The following DDX27 variants were observed in gnomAD, a reference collection of about 807,000 sequenced individuals.
The protein encoded by DDX27 is DEAD-box helicase 27.
A neutral mutation model predicts 99.3 loss-of-function variants in DDX27; 42 were observed. The ratio of observed to expected loss-of-function variants is 0.42; its 90% CI spans 0.33 to 0.55. The LOEUF is 0.55. Among genes scored for constraint, DDX27 ranks in the 20% least tolerant of loss-of-function variants. DDX27 has a pLI of 0.07. For missense variants in DDX27, 798 were observed against 976.8 expected (o/e 0.82, Z 2.44); for synonymous variants, 329 against 353.8 (o/e 0.93, Z 0.79).
intron 18 of DDX27, 39 bp downstream of exon 18, chr20:49,242,245 T>C: frequency 6.2e-7 from 1 of 1,609,428 alleles, no homozygotes. Flanking sequence ...TGTACAAGGT[T>C]TTCCCTGAAA....
chr20:49,224,583 G>A (rs960076338), intron 4 of DDX27, among the ~76,000 whole-genome samples: 61 of 152,066 alleles, frequency 4.0e-4, no homozygotes, highest in African/African-American at 1.4e-3. Context: ...GGCTGGTCCC[G>A]AACTCCTGAC....
Position 49,233,703 on chromosome 20 carries a change from G to A in DDX27, c.1267G>A (p.Val423Met), listed in dbSNP as rs572661225. The A allele has an allele frequency of 3.2e-5, 52 of 1,613,194 alleles. No individual in the cohort carries two copies. The highest frequency in any genetic ancestry group is 8.0e-5 in the African/African-American group (6 of 75,052). Residue 423 changes from valine to methionine, a missense_variant, in exon 11 of 21, where the codon GTG (valine) becomes ATG (methionine). By Grantham distance (21) the Val-to-Met change is conservative (BLOSUM62 1). Transcript: ENST00000618172. ...TCGTGAAGGAGACCGGGAAGCCATCGTGGCAGGTGGCAGCACAGGGCAAGC... is the reference window on the plus strand; with the variant it reads ...TCGTGAAGGAGACCGGGAAGCCATCATGGCAGGTGGCAGCACAGGGCAAGC... ...PNREGDREAI[V>M]AALLTRTFTD...
Position 49,219,467 on chromosome 20 carries a change from T to C in DDX27, c.19T>C (p.Leu7=), listed in dbSNP as rs1349530669. 2 of 1,614,106 alleles carry C rather than the reference T, an allele frequency of 1.2e-6. No individual in the cohort carries two copies. Among genetic ancestry groups the C allele is most frequent in the Non-Finnish European group, 1.7e-6 (2 of 1,180,002 alleles). Residue 7 remains leucine (L), a synonymous_variant, in exon 1 of 21, where the codon TTA becomes CTA. Transcript: ENST00000618172. ...CGACAACATGCTTGCGGACCTCGGC[T>C]TAATCGGAACCATAGGCGAGGATGA... MLADLG[L]IGTIGEDDEV...
chr20:49,226,683 G>T, intron 7 of DDX27, 148 bp downstream of exon 7: 1 of 542,356 alleles, frequency 1.8e-6, no homozygotes, highest in Non-Finnish European at 3.2e-6. Context: ...TAGAGATAGG[G>T]GTCTCACTTT....
intron 4 of DDX27, 143 bp downstream of exon 4, chr20:49,223,576 T>TA (rs1979772046): frequency 1.4e-6 from 1 of 697,634 alleles, no homozygotes; most frequent in Non-Finnish European, 2.1e-6. Context: ...TTCTTTCTTT[T>TA]TTTTTTTTTT....
At chr20:49,230,395 C>A in intron 9 of DDX27, 46 bp downstream of exon 9, 1 of 1,570,716 alleles carries the variant, frequency 6.4e-7, no homozygotes, top group Non-Finnish European at 8.6e-7. Context: ...GGTTCCAAGG[C>A]CCAGAACCTG....
At chr20:49,231,622 A>G (rs1036552474) in intron 9 of DDX27, among the ~76,000 whole-genome samples, 3 of 152,214 alleles carry the variant, frequency 2.0e-5, no homozygotes, top group Admixed American at 1.3e-4. Flanking sequence ...ATGGAATCCA[A>G]GGAATCTCAC....
rs1463836610 is a variant in DDX27, at chr20:49,239,474, A to G, written c.1897+136A>G. On this transcript the variant is annotated intron_variant, in intron 16 of 20. Transcript: ENST00000618172. Reference sequence around the variant, plus strand: ...CCAAGGACCAGTATCGTGGAAGACAATGTTTCCACATTTGGGGTGTGGGGG... The same window carrying G: ...CCAAGGACCAGTATCGTGGAAGACAGTGTTTCCACATTTGGGGTGTGGGGG... 20 of 660,104 alleles carry G rather than the reference A, an allele frequency of 3.0e-5. 1 individual carries two copies. The highest frequency in any genetic ancestry group is 1.6e-4 in the East Asian group (6 of 36,722). The allele number at this position is 660,104 out of a possible 1,614,324, so 40.9% of individuals were successfully genotyped here.
At chr20:49,237,184 G>T (rs544159318) in intron 14 of DDX27, among the ~76,000 whole-genome samples, 2 of 152,096 alleles carry the variant, frequency 1.3e-5, no homozygotes, top group Non-Finnish European at 2.9e-5. Flanking sequence ...AAAAAAATTA[G>T]CTGGGCATGG....
intron 6 of DDX27, among the ~76,000 whole-genome samples, chr20:49,225,557 G>A (rs1018969878): frequency 5.5e-5 from 8 of 145,290 alleles, no homozygotes; most frequent in Non-Finnish European, 7.4e-5. Flanking sequence ...CCGGGTTCAC[G>A]CCATTCTCCT....
intron 4 of DDX27, among the ~76,000 whole-genome samples, chr20:49,224,378 T>TTTTTTTTTG: frequency 6.6e-6 from 1 of 150,892 alleles, no homozygotes. Context: ...TTTTTTTTTT[T>TTTTTTTTTG]TGAGATGGAG....
At chr20:49,235,639 C>T (rs886763534) in intron 12 of DDX27, 13 of 155,496 alleles carry the variant, frequency 8.4e-5, no homozygotes, top group Non-Finnish European at 1.6e-4. Context: ...TAAACTGAGA[C>T]AATTGCCTAT....
chr20:49,236,474 G>A lies in DDX27; in HGVS notation c.1651G>A (p.Ala551Thr). 1 of 1,609,710 alleles carries A rather than the reference G, an allele frequency of 6.2e-7. No individual in the cohort carries two copies. Among genetic ancestry groups the A allele is most frequent in the Non-Finnish European group, 8.5e-7 (1 of 1,177,944 alleles). ...RKMLKEIVKA[A>T]KAPVKARILP... is the part of the protein sequence containing the mutation. ...GATGCTGAAGGAGATTGTAAAAGCT[G>A]CCAAGGCCCCTGTGAAGGCCAGGAT... Residue 551 changes from alanine (A) to threonine (T), a missense_variant, in exon 14 of 21, where the codon GCC becomes ACC. Coordinates refer to ENST00000618172, the MANE Select transcript of DDX27 (RefSeq NM_017895.8). This position sits in a 1 kb window ranked among gnomAD's most constrained non-coding sequence, Gnocchi z 4.1.
chr20:49,230,040 G>T (rs1005258152), intron 8 of DDX27, among the ~76,000 whole-genome samples, 159 bp from the exon 9 acceptor site: 1 of 152,112 alleles, frequency 6.6e-6, no homozygotes, highest in African/African-American at 2.4e-5. Flanking sequence ...GTCTTTCCCA[G>T]TGCGTTTCTG....
At chr20:49,242,474 T>C in intron 18 of DDX27, 120 bp from the exon 19 acceptor site, 1 of 1,122,288 alleles carries the variant, frequency 8.9e-7, no homozygotes, top group Non-Finnish European at 1.3e-6. Flanking sequence ...GAGGACAGAA[T>C]GAAAATAGTC....
intron 9 of DDX27, among the ~76,000 whole-genome samples, chr20:49,232,492 G>T (rs929035900): frequency 6.0e-5 from 9 of 151,132 alleles, no homozygotes; most frequent in African/African-American, 2.2e-4. Context: ...AGCCGGGTGC[G>T]GTGGCTCACG....
intron 16 of DDX27, among the ~76,000 whole-genome samples, chr20:49,240,489 G>A (rs1006029104): frequency 8.6e-5 from 13 of 152,026 alleles, no homozygotes; most frequent in South Asian, 2.1e-4. Flanking sequence ...GTGCAGTGGC[G>A]CAATCTCGGC....
intron 14 of DDX27, 139 bp from the exon 15 acceptor site, chr20:49,238,810 A>G: frequency 5.8e-6 from 2 of 345,070 alleles, no homozygotes; most frequent in Non-Finnish European, 1.0e-5. Flanking sequence ...GAGTCTGGCC[A>G]CGTTGCCCAG....
chr20:49,234,880 C>T (rs931644820), intron 11 of DDX27, 55 bp from the exon 12 acceptor site: 6 of 1,534,994 alleles, frequency 3.9e-6, no homozygotes, highest in Admixed American at 2.0e-5. Flanking sequence ...GGAGGGGGTA[C>T]ATGTTGAATA....
Sources: allele counts gnomAD v4.1 joint callset (sites outside exome capture counted in the v4.1 genomes callset), GRCh38; gene constraint gnomAD v4.1.1; non-coding constraint Gnocchi (gnomAD v3.1); transcripts MANE v1.5; gene names NCBI Gene and HGNC (gene_info 2026-07-23, HGNC 2026-07-21).